DNAH12: variants seen among roughly 807,000 people sequenced by gnomAD.
The protein encoded by DNAH12 is dynein axonemal heavy chain 12, also known as axonemal beta dynein heavy chain 12.
DNAH12 carries 285 observed loss-of-function variants against 371.5 expected under a neutral mutation model. The ratio of observed to expected loss-of-function variants is 0.77; its 90% CI spans 0.70 to 0.85. The LOEUF (loss-of-function observed/expected upper bound fraction) is 0.85. Ranked by LOEUF, DNAH12 falls within the 40% of genes least tolerant of loss-of-function variation. DNAH12 has a pLI of 0.00. For missense variants in DNAH12, 3,611 were observed against 3,689.4 expected (o/e 0.98, Z 0.55); for synonymous variants, 1,200 against 1,213.0 (o/e 0.99, Z 0.22).
chr3:57,460,798 G>C (rs572524490), intron 19 of DNAH12, among the ~76,000 whole-genome samples: 1 of 152,306 alleles, frequency 6.6e-6, no homozygotes, highest in South Asian at 2.1e-4. Flanking sequence ...GATGAACTTA[G>C]AAAAATTGCC....
In DNAH12 at chr3:57,419,384, C is replaced by G. The variant is rs2064493097; in HGVS notation, c.5697G>C (p.Leu1899Phe). ...DTIRYTFLMDLSITYAKPLLF... is the reference protein window; with the variant it reads ...DTIRYTFLMDFSITYAKPLLF... ...TTCCTTACTTTGCATAGGTAATACT[C>G]AAATCCATTAGAAACGTATATCTAA... Residue 1899 changes from leucine (L) to phenylalanine (F), a missense_variant, in exon 37 of 74, where the codon TTG becomes TTC. Leu to Phe is a conservative substitution (Grantham distance 22). This residue lies in a region of DNAH12 where 2,266 missense variants were observed against 2,236.9 expected (regional missense o/e 1.01). Coordinates refer to ENST00000495027, the MANE Select transcript of DNAH12 (RefSeq NM_001366028.2). 6.7e-7 allele frequency: 1 copy of G among 1,500,422 alleles called. No individual in the cohort carries two copies. The highest frequency in any genetic ancestry group is 1.4e-5 in the African/African-American group (1 of 69,500). 92.9% of individuals were successfully genotyped at this position (1,500,422 alleles called of 1,614,324 possible).
chr3:57,473,861 A>C (rs532448577), intron 13 of DNAH12, among the ~76,000 whole-genome samples: 1 of 152,164 alleles, frequency 6.6e-6, no homozygotes, highest in Non-Finnish European at 1.5e-5. Flanking sequence ...GATTAAAGAG[A>C]AAAAGCATAT....
At chr3:57,356,168 G>A (rs2062792557) in intron 59 of DNAH12, among the ~76,000 whole-genome samples, 1 of 152,110 alleles carries the variant, frequency 6.6e-6, no homozygotes. Flanking sequence ...GGGGCCAGGT[G>A]CAGTGGCTCA....
chr3:57,543,315 G>GTTTTTTTTTTTTTTTTTTTTTTTTTT (rs5849214), intron 1 of DNAH12, among the ~76,000 whole-genome samples: 1 of 70,286 alleles, frequency 1.4e-5, no homozygotes, highest in African/African-American at 6.3e-5. Context: ...ATCATTAATG[G>GTTTTTTTTTTTTTTTTTTTTTTTTTT]TTTTTTTTTT....
At chr3:57,400,619 C>T (rs2063837311) in intron 43 of DNAH12, among the ~76,000 whole-genome samples, 7 of 152,276 alleles carry the variant, frequency 4.6e-5, no homozygotes, top group Admixed American at 3.3e-4. Flanking sequence ...ATTATTACAA[C>T]ATACTGTAAT....
chr3:57,322,257 A>G, intron 65 of DNAH12, 86 bp downstream of exon 65: 1 of 1,317,072 alleles, frequency 7.6e-7, no homozygotes, highest in South Asian at 1.9e-5. Context: ...TAAAAATGTT[A>G]CAAAAGCATT....
intron 43 of DNAH12, among the ~76,000 whole-genome samples, chr3:57,400,557 A>T (rs1002839384): frequency 0.8 from 122,326 of 152,166 alleles, 49,405 homozygotes; most frequent in East Asian, 1. Context: ...CTATGATTAG[A>T]TTAATTAATA....
chr3:57,464,555 A>G (rs1039476177), intron 17 of DNAH12, among the ~76,000 whole-genome samples: 11 of 152,298 alleles, frequency 7.2e-5, no homozygotes, highest in Admixed American at 6.5e-4. Context: ...CAGACAAAAA[A>G]CACTGGAATA....
rs2065855965 is a variant in DNAH12, at chr3:57,454,761, A to C, written c.3456+14T>G. 6.5e-7 allele frequency: 1 copy of C among 1,549,416 alleles called. No homozygotes were observed. The highest frequency in any genetic ancestry group is 2.4e-5 in the East Asian group (1 of 40,870). On this transcript the variant is annotated intron_variant, in intron 23 of 73. Transcript: ENST00000495027. ...GGAATGAAGGATGTTACTTAAAAGC[A>C]AACAATGCTTTACCTCCGTCCCGCC...
intron 58 of DNAH12, among the ~76,000 whole-genome samples, chr3:57,361,444 C>CACACTA (rs1409626573): frequency 1.1e-4 from 13 of 116,722 alleles, no homozygotes; most frequent in African/African-American, 5.1e-4. Context: ...CACACACACA[C>CACACTA]TATATATATA....
chr3:57,313,784 G>C (rs2061629186), intron 66 of DNAH12, among the ~76,000 whole-genome samples: 1 of 152,092 alleles, frequency 6.6e-6, no homozygotes, highest in Non-Finnish European at 1.5e-5. Flanking sequence ...TGTAGCCTGG[G>C]CAACACAGCG....
chr3:57,504,117 C>A lies in DNAH12; in HGVS notation c.985G>T (p.Glu329Ter), dbSNP rs1194921200. ...ATTTTGTCGTCATCAAATGTCAATT[C>A]TATCTTAAATATTGGCAGCCTTTGT... ...DQQRLPIFKIELTFDDDKMEF... is the reference protein window; with the variant it reads ...DQQRLPIFKI The change falls in exon 9 of 74, where the codon GAA becomes TAA. Residue 329 changes from glutamate (E) to a stop codon, truncating the protein, a stop_gained. Coordinates refer to ENST00000495027, the MANE Select transcript of DNAH12 (RefSeq NM_001366028.2). LOFTEE classifies it high-confidence loss of function. 1.2e-6 allele frequency: 2 copies of A among 1,613,724 alleles called. No individual in the cohort carries two copies. Among genetic ancestry groups the A allele is most frequent in the Non-Finnish European group, 1.7e-6 (2 of 1,179,856 alleles).
chr3:57,525,544 T>C (rs1347054874), intron 2 of DNAH12, among the ~76,000 whole-genome samples: 1 of 152,106 alleles, frequency 6.6e-6, no homozygotes, highest in Non-Finnish European at 1.5e-5. Context: ...GGGTACATAG[T>C]AGGCATATGT....
chr3:57,491,081 C>CAAAAAA (rs553885449), intron 11 of DNAH12, among the ~76,000 whole-genome samples: 100 of 70,266 alleles, frequency 1.4e-3, no homozygotes, highest in African/African-American at 3.3e-3. Context: ...GACTCTATCT[C>CAAAAAA]AAAAAAAAAA....
intron 62 of DNAH12, among the ~76,000 whole-genome samples, chr3:57,330,419 T>C (rs2062066335): frequency 6.6e-6 from 1 of 151,974 alleles, no homozygotes; most frequent in Non-Finnish European, 1.5e-5. Context: ...TGTAGGGACA[T>C]GGATGAAGCT....
chr3:57,433,878 A>G, intron 30 of DNAH12, 50 bp from the exon 31 acceptor site: 1 of 1,392,840 alleles, frequency 7.2e-7, no homozygotes, highest in South Asian at 1.8e-5. Flanking sequence ...AAAGAGTTAA[A>G]TAATTTATAT....
At chr3:57,513,514 A>AAAG (rs1553716097) in intron 4 of DNAH12, among the ~76,000 whole-genome samples, 4 of 151,766 alleles carry the variant, frequency 2.6e-5, no homozygotes, top group African/African-American at 9.7e-5. Context: ...TTATAATAAA[A>AAAG]AAAATACTAC....
At chr3:57,450,250 TAAAA>T (rs58958877) in intron 25 of DNAH12, among the ~76,000 whole-genome samples, 2 of 98,598 alleles carry the variant, frequency 2.0e-5, no homozygotes, top group African/African-American at 8.0e-5. Context: ...TGTCTCAATT[TAAAA>T]AAAAAAAAAG....
intron 62 of DNAH12, among the ~76,000 whole-genome samples, chr3:57,326,412 C>A (rs920324469): frequency 1.3e-5 from 2 of 152,192 alleles, no homozygotes; most frequent in Non-Finnish European, 2.9e-5. Flanking sequence ...ATTCAACATT[C>A]TTAAAGAAAA....
Sources: allele counts gnomAD v4.1 joint callset (sites outside exome capture counted in the v4.1 genomes callset), GRCh38; gene constraint gnomAD v4.1.1; regional missense constraint gnomAD v4.1.1; transcripts MANE v1.5; gene names NCBI Gene and HGNC (gene_info 2026-07-23, HGNC 2026-07-21).